The following FAM110B variants were observed in gnomAD, a reference collection of about 807,000 sequenced individuals.
The protein encoded by FAM110B is protein FAM110B.
FAM110B carries 6 observed loss-of-function variants against 20.4 expected under a neutral mutation model. That is an observed-to-expected ratio of 0.29 (90% CI 0.16 to 0.58). The LOEUF (loss-of-function observed/expected upper bound fraction) is 0.58, where lower values mean the gene tolerates loss of function less well. FAM110B is among the 20% of genes least tolerant of loss of function. The pLI is 0.90. For missense variants in FAM110B, 434 were observed against 498.2 expected, an observed-to-expected ratio of 0.87 and a Z score of 1.23; for synonymous variants, 226 against 214.1, an observed-to-expected ratio of 1.06 and a Z score of -0.49.
At chr8:58,106,684 C>T (rs1316825589) in intron 3 of FAM110B, among the ~76,000 whole-genome samples, 2 of 152,098 alleles carry the variant, frequency 1.3e-5, no homozygotes, top group African/African-American at 2.4e-5. Flanking sequence ...AAGGAGTTCT[C>T]AGAAAGCACA....
chr8:58,104,958 A>G (rs72660400), intron 3 of FAM110B, among the ~76,000 whole-genome samples: 8,828 of 137,230 alleles, frequency 0.064, 490 homozygotes, highest in African/African-American at 0.18. Context: ...GCAGTTCTTT[A>G]AAGGAAAAAA....
At position 58,029,831 on chromosome 8, in the gene FAM110B, C is replaced by T. The variant is rs1585824495; in HGVS notation, c.-511-1775C>T. 2.0e-5 allele frequency among the ~76,000 whole-genome samples: 3 copies of T among 152,188 alleles called. No homozygotes were observed. The East Asian group carries it at 5.8e-4, about 29-fold the overall frequency. ...GGATCGTTTTGATTTCACATGGCAA[C>T]TTTGAAGATAAATCCAATCTTGAAG... On this transcript the variant is annotated intron_variant, in intron 1 of 3. Transcript: ENST00000519262.
rs1806946795 is a variant in FAM110B, at chr8:58,107,426, C to G, written c.-325+31803C>G. The stretch of plus-strand genomic sequence containing the variant: ...AGCCAACCCACTGCATTATACATAG[C>G]AAGTTTTAGTGACAGTTCTAGTCTC... On this transcript the variant is annotated intron_variant, in intron 3 of 3. Transcript: ENST00000519262. 2.0e-5 allele frequency among the ~76,000 whole-genome samples: 3 copies of G among 152,128 alleles called. No individual in the cohort carries two copies. The South Asian group carries it at 6.2e-4, about 32-fold the overall frequency.
intron 1 of FAM110B, among the ~76,000 whole-genome samples, chr8:58,019,193 C>T (rs1371546332): frequency 6.6e-6 from 1 of 151,796 alleles, no homozygotes; most frequent in African/African-American, 2.4e-5. Context: ...TAAACATTAG[C>T]TGGGTGTGGT....
At chr8:58,047,281 G>A (rs1371002813) in intron 2 of FAM110B, among the ~76,000 whole-genome samples, 2 of 152,140 alleles carry the variant, frequency 1.3e-5, no homozygotes, top group Admixed American at 6.5e-5. Flanking sequence ...CTTGGCCCAG[G>A]AGTCTCAGCC....
At chr8:58,119,733 A>G (rs997095703) in intron 3 of FAM110B, among the ~76,000 whole-genome samples, 1 of 152,172 alleles carries the variant, frequency 6.6e-6, no homozygotes, top group Non-Finnish European at 1.5e-5. Flanking sequence ...TCAGGGTTGT[A>G]CTGCTTCCCA....
intron 3 of FAM110B, among the ~76,000 whole-genome samples, chr8:58,145,539 A>AG (rs1803841143): frequency 6.6e-6 from 1 of 152,228 alleles, no homozygotes; most frequent in African/African-American, 2.4e-5. Flanking sequence ...GCTGGGGAAC[A>AG]GGGCTTGGCT....
At chr8:58,091,193 C>G (rs992423837) in intron 3 of FAM110B, among the ~76,000 whole-genome samples, 15 of 152,220 alleles carry the variant, frequency 9.9e-5, no homozygotes, top group African/African-American at 2.7e-4. Context: ...TCATACTCCT[C>G]TCTTCAGCTG....
chr8:58,080,630 G>T (rs1412736233), intron 3 of FAM110B, among the ~76,000 whole-genome samples: 3 of 152,182 alleles, frequency 2.0e-5, no homozygotes, highest in African/African-American at 7.2e-5. Context: ...GAGCACTGGA[G>T]TGTCCTCTCC....
chr8:58,139,953 G>A lies in FAM110B; in HGVS notation c.-324-5954G>A, dbSNP rs115386427. Among the ~76,000 whole-genome samples, 208 of 151,582 alleles carry A rather than the reference G, an allele frequency of 1.4e-3. 1 individual carries two copies. The highest frequency in any genetic ancestry group is 4.6e-3 in the African/African-American group (192 of 41,344). On this transcript the variant is annotated intron_variant, in intron 3 of 3. Coordinates refer to ENST00000519262, the MANE Select transcript of FAM110B (RefSeq NM_001377989.1). ...TTAAATAATAATAATAATAATAAAT[G>A]TCTAAATAAAATGGATAAAGGAAGC...
At chr8:58,007,782 G>A (rs912812578) in intron 1 of FAM110B, among the ~76,000 whole-genome samples, 1 of 152,068 alleles carries the variant, frequency 6.6e-6, no homozygotes. Flanking sequence ...AAATTTGTGT[G>A]GTTTATAAGC....
chr8:58,068,967 G>A (rs1805834138), intron 2 of FAM110B, among the ~76,000 whole-genome samples: 1 of 152,072 alleles, frequency 6.6e-6, no homozygotes, highest in Non-Finnish European at 1.5e-5. Context: ...AAAATAATTA[G>A]AAGCCCTTAA....
intron 3 of FAM110B, among the ~76,000 whole-genome samples, chr8:58,127,360 A>T (rs191099041): frequency 7.9e-5 from 12 of 152,206 alleles, no homozygotes; most frequent in Admixed American, 5.2e-4. Flanking sequence ...TTTATCTCAG[A>T]ACTGTTTTAG....
intron 3 of FAM110B, among the ~76,000 whole-genome samples, chr8:58,114,968 G>C (rs1009417204): frequency 6.6e-6 from 1 of 151,678 alleles, no homozygotes; most frequent in Non-Finnish European, 1.5e-5. Flanking sequence ...TAGAATTCCC[G>C]AGTGCTTTGG....
At position 58,147,046 on chromosome 8, in the gene FAM110B, G is replaced by T; in HGVS notation, c.816G>T (p.Ala272=). ...DLSDRYFRVD[A]DVERFFNYCG... ...GTGACAGATATTTCCGAGTGGACGC[G>T]GACGTGGAGAGGTTCTTCAACTACT... The change falls in exon 4 of 4, where the codon GCG becomes GCT. Residue 272 remains alanine (A), a synonymous_variant. Transcript: ENST00000519262. 1 of 1,614,184 alleles carries T rather than the reference G, an allele frequency of 6.2e-7. No individual in the cohort carries two copies. The highest frequency in any genetic ancestry group is 8.5e-7 in the Non-Finnish European group (1 of 1,180,038).
intron 1 of FAM110B, among the ~76,000 whole-genome samples, chr8:58,013,399 C>T (rs1804578526): frequency 6.6e-6 from 1 of 152,118 alleles, no homozygotes; most frequent in Non-Finnish European, 1.5e-5. Flanking sequence ...GGCAGTAGTC[C>T]CAGCCTGGCG....
At chr8:58,088,758 T>C (rs1443277163) in intron 3 of FAM110B, among the ~76,000 whole-genome samples, 2 of 152,158 alleles carry the variant, frequency 1.3e-5, no homozygotes, top group African/African-American at 2.4e-5. Flanking sequence ...CCAAGTGATA[T>C]TCTGTCCAAA....
chr8:58,006,923 A>ATATATATATATATATATATATT, intron 1 of FAM110B, among the ~76,000 whole-genome samples: 20 of 126,530 alleles, frequency 1.6e-4, no homozygotes, highest in East Asian at 1.5e-3. Context: ...ATATATATAT[A>ATATATATATATATATATATATT]TTTTTCCAAA....
chr8:58,117,676 G>T (rs1215094110), intron 3 of FAM110B, among the ~76,000 whole-genome samples: 1 of 152,142 alleles, frequency 6.6e-6, no homozygotes, highest in Non-Finnish European at 1.5e-5. Context: ...TCATTGTTAA[G>T]AGTTAATATG....
Sources: allele counts gnomAD v4.1 joint callset (sites outside exome capture counted in the v4.1 genomes callset), GRCh38; gene constraint gnomAD v4.1.1; transcripts MANE v1.5; gene names NCBI Gene and HGNC (gene_info 2026-07-23, HGNC 2026-07-21).